Variants in CALN1 observed in about 807,000 individuals in gnomAD.
CALN1 encodes calneuron 1.
In CALN1, 17 loss-of-function variants were observed where a neutral mutation model predicts 30.6. The ratio of observed to expected loss-of-function variants is 0.56; its 90% CI spans 0.38 to 0.83. CALN1 has a LOEUF of 0.83. CALN1 is among the 40% of genes least tolerant of loss of function. The pLI is 0.00. For missense variants in CALN1, 291 were observed against 354.9 expected (o/e 0.82, Z 1.45); for synonymous variants, 156 against 131.4 (o/e 1.19, Z -1.28).
At chr7:71,922,511 A>AATATATAACACACAGAATATATTATAT (rs1337405018) in intron 5 of CALN1, among the ~76,000 whole-genome samples, 25 of 144,250 alleles carry the variant, frequency 1.7e-4, no homozygotes, top group African/African-American at 6.1e-4. Flanking sequence ...ATAAATACAC[A>AATATATAACACACAGAATATATTATAT]ATATATAACA....
chr7:72,445,082 A>T (rs1388986263), intron 1 of CALN1, among the ~76,000 whole-genome samples: 1 of 151,754 alleles, frequency 6.6e-6, no homozygotes, highest in African/African-American at 2.4e-5. Flanking sequence ...ACACACACAC[A>T]CACACACACA....
chr7:72,074,510 C>T (rs773186824), intron 4 of CALN1, among the ~76,000 whole-genome samples: 44 of 152,140 alleles, frequency 2.9e-4, no homozygotes, highest in Non-Finnish European at 4.7e-4. Flanking sequence ...CACGTTCAAG[C>T]GATTCTCCTG....
chr7:72,238,071 C>T (rs1794592261), intron 3 of CALN1, among the ~76,000 whole-genome samples: 1 of 152,158 alleles, frequency 6.6e-6, no homozygotes, highest in East Asian at 1.9e-4. Flanking sequence ...CAGAAGACAG[C>T]CGGGTTCACC....
intron 4 of CALN1, among the ~76,000 whole-genome samples, chr7:72,024,961 G>T (rs973760001): frequency 6.6e-6 from 1 of 152,030 alleles, no homozygotes; most frequent in South Asian, 2.1e-4. Flanking sequence ...AGAACTGGTC[G>T]AACTTTTTTT....
At chr7:72,313,770 C>T (rs143379751) in intron 2 of CALN1, among the ~76,000 whole-genome samples, 48 of 152,268 alleles carry the variant, frequency 3.2e-4, no homozygotes, top group Middle Eastern at 3.4e-3. Context: ...ACTCATTTTC[C>T]CCTCTCTTTA....
At chr7:72,416,738 A>C (rs1585705917), upstream of CALN1, among the ~76,000 whole-genome samples, 1 of 90,962 alleles carries the variant, frequency 1.1e-5, no homozygotes, top group South Asian at 2.4e-4. Context: ...CTGTCTCAAA[A>C]AAAAAAAAAA....
rs182329879 is a variant in CALN1 at position 71,787,955 on chromosome 7, G to C, written c.659-53C>G. 17 of 1,611,138 alleles carry C rather than the reference G, an allele frequency of 1.1e-5. No homozygotes were observed. In the Admixed American group the frequency reaches 1.7e-4, roughly 16 times the overall value. On this transcript the variant is annotated intron_variant, in intron 6 of 6. Coordinates refer to ENST00000395275, the MANE Select transcript of CALN1 (RefSeq NM_031468.4). ...AGAAGGAAGAGGGGTTGGGAGAAGA[G>C]AGAAGAGAGAAATAACACAGTGAGA...
intron 2 of CALN1, among the ~76,000 whole-genome samples, chr7:72,323,449 CAGG>C (rs1801038316): frequency 6.6e-6 from 1 of 152,048 alleles, no homozygotes; most frequent in Admixed American, 6.6e-5. Flanking sequence ...TGCCTGAGGT[CAGG>C]AGTTTGAGAC....
chr7:71,941,251 G>T (rs1159392850), intron 5 of CALN1, among the ~76,000 whole-genome samples: 1 of 128,328 alleles, frequency 7.8e-6, no homozygotes, highest in Non-Finnish European at 1.7e-5. Context: ...TTGGGAGGCT[G>T]AGGCAGGGAG....
intron 5 of CALN1, among the ~76,000 whole-genome samples, chr7:71,909,850 GTAT>G (rs1413756764): frequency 6.6e-6 from 1 of 152,174 alleles, no homozygotes; most frequent in Admixed American, 6.5e-5. Context: ...GAGACCCAGT[GTAT>G]TAGTCAGTTC....
chr7:72,125,911 T>C (rs1301468364), intron 3 of CALN1, among the ~76,000 whole-genome samples: 1 of 150,516 alleles, frequency 6.6e-6, no homozygotes, highest in African/African-American at 2.4e-5. Flanking sequence ...CAAGCGATTC[T>C]CCTCCCTCAG....
intron 6 of CALN1, among the ~76,000 whole-genome samples, chr7:71,788,497 T>G (rs1259845854): frequency 2.7e-5 from 4 of 148,764 alleles, no homozygotes; most frequent in African/African-American, 1.0e-4. Flanking sequence ...TGTTGTTTTT[T>G]TTTTTTTTTT....
At chr7:72,451,641 C>T (rs1808670045), upstream of CALN1, among the ~76,000 whole-genome samples, 1 of 152,146 alleles carries the variant, frequency 6.6e-6, no homozygotes, top group Admixed American at 6.5e-5. Flanking sequence ...TCCCTCAGCT[C>T]CTGCCTAAGG....
intron 2 of CALN1, among the ~76,000 whole-genome samples, chr7:72,355,800 T>TA (rs1467790497): frequency 2.3e-4 from 35 of 152,148 alleles, no homozygotes; most frequent in Admixed American, 2.3e-3. Flanking sequence ...TCCATCAGAG[T>TA]ACAAGGGCAC....
chr7:71,861,400 T>A (rs1389693817), intron 5 of CALN1, among the ~76,000 whole-genome samples: 1 of 152,032 alleles, frequency 6.6e-6, no homozygotes, highest in Non-Finnish European at 1.5e-5. Context: ...TCCCTTCTGG[T>A]GTTATTTAAT....
chr7:72,336,613 G>C (rs761969756), intron 2 of CALN1: 1 of 881,874 alleles, frequency 1.1e-6, no homozygotes, highest in African/African-American at 1.8e-5. Context: ...CAGCCCGGGG[G>C]TTTGGACACC....
chr7:72,232,073 G>C (rs1258925367), intron 3 of CALN1, among the ~76,000 whole-genome samples: 1 of 152,152 alleles, frequency 6.6e-6, no homozygotes, highest in African/African-American at 2.4e-5. Flanking sequence ...TGGGGCCAAA[G>C]GAGAAGGGTC....
chr7:72,201,483 C>T (rs550472818), intron 3 of CALN1, among the ~76,000 whole-genome samples: 16 of 151,650 alleles, frequency 1.1e-4, no homozygotes, highest in African/African-American at 3.4e-4. Context: ...CCCAGCTACT[C>T]GGGAGGCTGA....
At chr7:72,249,809 C>T (rs1405841029) in intron 3 of CALN1, among the ~76,000 whole-genome samples, 1 of 151,908 alleles carries the variant, frequency 6.6e-6, no homozygotes, top group Non-Finnish European at 1.5e-5. Context: ...TGGTGGTGGG[C>T]ACCTGTAATC....
Sources: gnomAD v4.1 joint callset for allele counts (sites outside exome capture counted in the v4.1 genomes callset) on GRCh38, gnomAD v4.1.1 for gene constraint, MANE v1.5 for transcripts, NCBI Gene and HGNC (gene_info 2026-07-23, HGNC 2026-07-21) for gene names.